PRMT2: variants seen among roughly 807,000 people sequenced by gnomAD.
The protein encoded by PRMT2 is protein arginine methyltransferase 2.
A neutral mutation model predicts 57.6 loss-of-function variants in PRMT2; 26 were observed. The ratio of observed to expected loss-of-function variants is 0.45; its 90% CI spans 0.33 to 0.63. The LOEUF is 0.63. Among genes scored for constraint, PRMT2 ranks in the 20% least tolerant of loss-of-function variants. The pLI, the probability that PRMT2 is intolerant of heterozygous loss-of-function variation, is 0.02. For missense variants in PRMT2, 472 were observed against 564.4 expected (o/e 0.84, Z 1.66); for synonymous variants, 219 against 220.0 (o/e 1.00, Z 0.04).
intron 9 of PRMT2, 49 bp from the exon 10 acceptor site, chr21:46,661,751 T>G (rs1335434996): frequency 7.0e-6 from 9 of 1,287,492 alleles, no homozygotes; most frequent in Non-Finnish European, 7.9e-6. Flanking sequence ...ACCCGGGCCC[T>G]GCGGTGCCAC....
chr21:46,662,139 C>T (rs1232529171), intron 10 of PRMT2, among the ~76,000 whole-genome samples: 1 of 151,968 alleles, frequency 6.6e-6, no homozygotes, highest in Non-Finnish European at 1.5e-5. Flanking sequence ...GTGCCCCCTT[C>T]CGGGTCTCGC....
Position 46,658,748 on chromosome 21 carries a change from G to A in PRMT2, c.658G>A (p.Glu220Lys), listed in dbSNP as rs2061575990. The change falls in exon 8 of 12, where the codon GAG (glutamate) becomes AAG (lysine). Residue 220 changes from glutamate to lysine, a missense_variant. Physicochemically the swap from Glu to Lys is moderately conservative, Grantham distance 56 (BLOSUM62 1). Transcript: ENST00000355680. Reference sequence around the variant, plus strand: ...TGTGTCTTTCACTCCTATGCAGTTTGAGTTCATGATCGAGTCCATCCTGTA... The same window carrying A: ...TGTGTCTTTCACTCCTATGCAGTTTAAGTTCATGATCGAGTCCATCCTGTA... ...SEWMGTCLLF[E>K]FMIESILYAR... 6.2e-7 allele frequency: 1 copy of A among 1,613,990 alleles called. No homozygotes were observed.
intron 8 of PRMT2, chr21:46,659,506 G>C: frequency 5.1e-6 from 5 of 977,662 alleles, no homozygotes; most frequent in Non-Finnish European, 6.1e-6. Context: ...GCCCAATCAT[G>C]TGAACAGGCA....
chr21:46,643,220 T>G, intron 3 of PRMT2: 1 of 203,000 alleles, frequency 4.9e-6, no homozygotes, highest in Middle Eastern at 2.1e-3. Flanking sequence ...ATGGGGTTGA[T>G]GATCACCTTC....
intron 5 of PRMT2, among the ~76,000 whole-genome samples, chr21:46,647,476 AT>A (rs1299607019): frequency 6.6e-6 from 1 of 152,058 alleles, no homozygotes; most frequent in Non-Finnish European, 1.5e-5. Context: ...CAGAACTGTT[AT>A]GATTCTGTGT....
chr21:46,638,435 C>T (rs545958074), intron 3 of PRMT2, among the ~76,000 whole-genome samples: 1 of 152,310 alleles, frequency 6.6e-6, no homozygotes, highest in South Asian at 2.1e-4. Context: ...CTAGTTTTTT[C>T]TATTTCAAAC....
intron 7 of PRMT2, chr21:46,653,866 T>A: frequency 9.8e-7 from 1 of 1,025,040 alleles, no homozygotes. Context: ...CCAAGGTCTC[T>A]TCACCTCCTT....
intron 7 of PRMT2, chr21:46,653,768 T>C: frequency 8.7e-7 from 1 of 1,153,828 alleles, no homozygotes. Context: ...AAAGCTTGCC[T>C]CATACAAAGT....
chr21:46,657,523 C>G (rs991178074), intron 7 of PRMT2: 7 of 152,138 alleles, frequency 4.6e-5, no homozygotes, highest in African/African-American at 1.7e-4. Context: ...GGAGGAACCC[C>G]AGAAACGGTA....
rs984334140 is a variant in PRMT2, at chr21:46,649,074, T to C, written c.489+455T>C. 6.6e-6 allele frequency among the ~76,000 whole-genome samples: 1 copy of C among 152,096 alleles called. No homozygotes were observed. The highest frequency in any genetic ancestry group is 2.4e-5 in the African/African-American group (1 of 41,404). ...TGCTGAGCTGAGCCGAGCTGCAGCC[T>C]TGGAGACTCCTTACACAGTGGGTGG... is the stretch of plus-strand genomic sequence containing the variant. On this transcript the variant is annotated intron_variant, in intron 6 of 11. Transcript: ENST00000355680. The surrounding 1 kb of genome is among the most constrained non-coding windows in gnomAD (Gnocchi z 4.8).
intron 3 of PRMT2, among the ~76,000 whole-genome samples, chr21:46,642,212 A>C (rs1257558405): frequency 6.6e-6 from 1 of 152,226 alleles, no homozygotes; most frequent in African/African-American, 2.4e-5. Context: ...TAAGAAGATT[A>C]AGGTACATAC....
intron 7 of PRMT2, chr21:46,658,415 G>C (rs913049522): frequency 8.1e-6 from 2 of 247,398 alleles, no homozygotes; most frequent in Admixed American, 5.3e-5. Flanking sequence ...AACACTTCAG[G>C]GCTCTTTCAA....
chr21:46,648,451 C>G lies in PRMT2; in HGVS notation c.328-7C>G. 1 of 1,613,742 alleles carries G rather than the reference C, an allele frequency of 6.2e-7. No homozygotes were observed. Among genetic ancestry groups the G allele is most frequent in the Non-Finnish European group, 8.5e-7 (1 of 1,179,738 alleles). ...AGGCAGTGATTCTGAATGTGCATTT[C>G]TTCCAGAAACTCCACTTGGAGATGT... On this transcript the variant is annotated splice_polypyrimidine_tract_variant and splice_region_variant and intron_variant, in intron 5 of 11. Transcript: ENST00000355680. The surrounding 1 kb of genome is among the most constrained non-coding windows in gnomAD (Gnocchi z 4.8).
In PRMT2 at chr21:46,649,263, C is replaced by T. The variant is rs1379507115; in HGVS notation, c.490-312C>T. The stretch of plus-strand genomic sequence containing the variant: ...TTGTCACTTGGGTGCTAAGAAGTTG[C>T]TGTGCTGGTCATGGATTAAGATTGC... On this transcript the variant is annotated intron_variant, in intron 6 of 11. Coordinates refer to ENST00000355680, the MANE Select transcript of PRMT2 (RefSeq NM_206962.4). The surrounding 1 kb of genome is among the most constrained non-coding windows in gnomAD (Gnocchi z 4.8). Among the ~76,000 whole-genome samples, 1 of 152,182 alleles carries T rather than the reference C, an allele frequency of 6.6e-6. No individual in the cohort carries two copies. Among genetic ancestry groups the T allele is most frequent in the African/African-American group, 2.4e-5 (1 of 41,446 alleles).
At chr21:46,659,843 A>G in intron 8 of PRMT2, 1 of 985,458 alleles carries the variant, frequency 1.0e-6, no homozygotes, top group Non-Finnish European at 1.2e-6. Flanking sequence ...GTCTGTTAAA[A>G]AAGAAACCAT....
chr21:46,640,913 C>T (rs2839371), intron 3 of PRMT2, among the ~76,000 whole-genome samples: 38,051 of 150,690 alleles, frequency 0.25, 4,987 homozygotes, highest in African/African-American at 0.3. Context: ...ACTCTTGAGG[C>T]GCTGATCATA....
At chr21:46,663,918 T>G (rs762886226) in intron 11 of PRMT2, among the ~76,000 whole-genome samples, 21 of 152,136 alleles carry the variant, frequency 1.4e-4, no homozygotes, top group Non-Finnish European at 1.5e-4. Context: ...CCTCTGTGGC[T>G]TCCCAGGCAG....
chr21:46,645,721 GT>G (rs975286483), intron 5 of PRMT2, among the ~76,000 whole-genome samples: 85 of 142,114 alleles, frequency 6.0e-4, no homozygotes, highest in East Asian at 2.8e-3. Context: ...GTTTGTTTTT[GT>G]TTTTTTTTTT....
Position 46,664,510 on chromosome 21 carries a change from G to A in PRMT2, c.*183G>A, listed in dbSNP as rs944743732. 1.6e-5 allele frequency: 12 copies of A among 740,660 alleles called. No individual in the cohort carries two copies. The highest frequency in any genetic ancestry group is 2.5e-5 in the Non-Finnish European group (11 of 439,062). The allele number at this position is 740,660 out of a possible 1,614,324, so 45.9% of individuals were successfully genotyped here. On this transcript the variant is annotated 3_prime_UTR_variant, in exon 12 of 12. Coordinates refer to ENST00000355680, the MANE Select transcript of PRMT2 (RefSeq NM_206962.4). ...TTCACAGACAAACACGCTTGGGCTCGGCAGGAGCTGCCGTGGCCACCCCCG... is the reference window on the plus strand; with the variant it reads ...TTCACAGACAAACACGCTTGGGCTCAGCAGGAGCTGCCGTGGCCACCCCCG...
Sources: gnomAD v4.1 joint callset for allele counts (sites outside exome capture counted in the v4.1 genomes callset) on GRCh38, gnomAD v4.1.1 for gene constraint, Gnocchi (gnomAD v3.1) non-coding constraint, MANE v1.5 for transcripts, NCBI Gene and HGNC (gene_info 2026-07-23, HGNC 2026-07-21) for gene names.